SPA17: variants seen among roughly 807,000 people sequenced by gnomAD.
SPA17 encodes sperm surface protein Sp17.
In SPA17, 7 loss-of-function variants were observed where a neutral mutation model predicts 13.8. That is an observed-to-expected ratio of 0.51 (90% CI 0.29 to 0.95). SPA17 has a LOEUF of 0.95. Ranked by LOEUF, SPA17 falls within the 40% of genes least tolerant of loss-of-function variation. The pLI is 0.08. For synonymous variants in SPA17, 61 were observed against 59.0 expected, an observed-to-expected ratio of 1.03 and a Z score of -0.16; for missense variants, 170 against 179.3, an observed-to-expected ratio of 0.95 and a Z score of 0.30.
At chr11:124,679,276 C>A (rs1943503146) in intron 2 of SPA17, among the ~76,000 whole-genome samples, 1 of 151,652 alleles carries the variant, frequency 6.6e-6, no homozygotes, top group Non-Finnish European at 1.5e-5. Context: ...ACCGTACATG[C>A]CTAGTGCATA....
At chr11:124,674,359 GAA>G in intron 1 of SPA17, 1 of 150,510 alleles carries the variant, frequency 6.6e-6, no homozygotes, top group Non-Finnish European at 1.5e-5. Context: ...CCCTCTCAAA[GAA>G]AAAAAAAGCG....
chr11:124,687,822 T>C (rs1279913678), intron 3 of SPA17, among the ~76,000 whole-genome samples: 1 of 152,018 alleles, frequency 6.6e-6, no homozygotes, highest in Non-Finnish European at 1.5e-5. Context: ...ATCCCACAGC[T>C]AATATTATAC....
chr11:124,691,371 C>T (rs566674672), intron 3 of SPA17, among the ~76,000 whole-genome samples: 2 of 152,204 alleles, frequency 1.3e-5, no homozygotes, highest in Non-Finnish European at 2.9e-5. Context: ...GTTCAGGATT[C>T]ATTACATCAT....
intron 4 of SPA17, among the ~76,000 whole-genome samples, chr11:124,692,078 T>G (rs1943627834): frequency 6.6e-6 from 1 of 152,208 alleles, no homozygotes; most frequent in Admixed American, 6.5e-5. Flanking sequence ...GTCATGATCC[T>G]TCAGATTCAT....
chr11:124,682,899 T>C (rs1296025843), intron 3 of SPA17, among the ~76,000 whole-genome samples: 1 of 137,744 alleles, frequency 7.3e-6, no homozygotes, highest in Non-Finnish European at 1.6e-5. Flanking sequence ...CCAAATACAA[T>C]GCAAAAAAAA....
intron 2 of SPA17, among the ~76,000 whole-genome samples, chr11:124,680,312 A>T (rs1943515388): frequency 6.6e-6 from 1 of 152,200 alleles, no homozygotes; most frequent in Non-Finnish European, 1.5e-5. Flanking sequence ...TCAAACCCGA[A>T]TTAGATCAAA....
At chr11:124,682,799 T>G (rs534063199) in intron 3 of SPA17, among the ~76,000 whole-genome samples, 1 of 151,562 alleles carries the variant, frequency 6.6e-6, no homozygotes, top group South Asian at 2.1e-4. Context: ...TCAGAAGGCT[T>G]AGAAAACCTA....
At chr11:124,688,546 A>G (rs1943596372) in intron 3 of SPA17, among the ~76,000 whole-genome samples, 1 of 152,220 alleles carries the variant, frequency 6.6e-6, no homozygotes, top group East Asian at 1.9e-4. Context: ...AAAGCTGTAC[A>G]AGAAAAACTA....
chr11:124,690,319 G>C (rs183844159), intron 3 of SPA17, among the ~76,000 whole-genome samples: 3 of 152,200 alleles, frequency 2.0e-5, no homozygotes, highest in African/African-American at 7.2e-5. Context: ...CCAGCAACAT[G>C]GATGAAACAG....
intron 1 of SPA17, 36 bp downstream of exon 1, chr11:124,673,988 G>T: frequency 3.9e-6 from 2 of 508,382 alleles, no homozygotes; most frequent in Non-Finnish European, 7.1e-6. Flanking sequence ...CCGATACCAA[G>T]ACCTAGCCTT....
intron 3 of SPA17, among the ~76,000 whole-genome samples, chr11:124,689,212 A>G (rs1236821737): frequency 6.6e-6 from 1 of 152,204 alleles, no homozygotes; most frequent in Non-Finnish European, 1.5e-5. Context: ...TAAAAATACT[A>G]GAAGAAAACC....
In SPA17 at chr11:124,679,208, C is replaced by T. The variant is rs530655136; in HGVS notation, c.155-2181C>T. On this transcript the variant is annotated intron_variant, in intron 2 of 4. Transcript: ENST00000227135. ...ATATGAGCCTAACTAGTATAGACTG[C>T]GTGACATAACCATACAGAAAGGAAT... Among the ~76,000 whole-genome samples the T allele has an allele frequency of 3.3e-5, 5 of 150,652 alleles. No individual in the cohort carries two copies. In the South Asian group the frequency reaches 8.4e-4, roughly 25 times the overall value.
chr11:124,681,737 T>TGTACA (rs1294710439), intron 3 of SPA17, among the ~76,000 whole-genome samples: 1 of 152,114 alleles, frequency 6.6e-6, no homozygotes, highest in Admixed American at 6.5e-5. Context: ...ATCTGAGTCA[T>TGTACA]GTACAGATAT....
intron 1 of SPA17, chr11:124,674,341 C>T (rs1415813586): frequency 1.3e-5 from 2 of 152,128 alleles, no homozygotes; most frequent in African/African-American, 4.8e-5. Flanking sequence ...AGTTCGAGGC[C>T]AGAGACCCCC....
intron 3 of SPA17, among the ~76,000 whole-genome samples, chr11:124,685,128 C>A (rs1360346195): frequency 6.6e-6 from 1 of 152,246 alleles, no homozygotes; most frequent in African/African-American, 2.4e-5. Flanking sequence ...ACCTTCACAG[C>A]AACCTCCCAT....
At chr11:124,692,698 C>T (rs920729128) in intron 4 of SPA17, among the ~76,000 whole-genome samples, 4 of 152,210 alleles carry the variant, frequency 2.6e-5, no homozygotes, top group African/African-American at 9.6e-5. Context: ...GCAAACACTG[C>T]AAATCAGGGC....
chr11:124,676,803 C>A (rs761813206), intron 2 of SPA17, among the ~76,000 whole-genome samples: 6 of 152,150 alleles, frequency 3.9e-5, no homozygotes, highest in Non-Finnish European at 8.8e-5. Flanking sequence ...TGCTGATTAC[C>A]TTGGTGACAA....
At position 124,693,620 on chromosome 11, in the gene SPA17, G is replaced by A. The variant is rs1943644535; in HGVS notation, c.313-683G>A. Among the ~76,000 whole-genome samples the A allele has an allele frequency of 1.3e-5, 2 of 152,114 alleles. 1 individual carries two copies. The highest frequency in any genetic ancestry group is 4.1e-4 in the South Asian group (2 of 4,832). The stretch of plus-strand genomic sequence containing the variant: ...TAGGTGGAGAAAACTATCACTGCCA[G>A]TGACATTTGAGTTTTTAAAGTGTAT... On this transcript the variant is annotated intron_variant, in intron 4 of 4. Transcript: ENST00000227135.
At chr11:124,688,176 A>G (rs1170082934) in intron 3 of SPA17, among the ~76,000 whole-genome samples, 1 of 152,166 alleles carries the variant, frequency 6.6e-6, no homozygotes, top group Non-Finnish European at 1.5e-5. Flanking sequence ...ACCACACTGA[A>G]TAATGTTTTT....
Sources: allele counts gnomAD v4.1 joint callset (sites outside exome capture counted in the v4.1 genomes callset), GRCh38; gene constraint gnomAD v4.1.1; transcripts MANE v1.5; gene names NCBI Gene and HGNC (gene_info 2026-07-23, HGNC 2026-07-21).